The following FMN2 variants were observed in gnomAD, a reference collection of about 807,000 sequenced individuals.
FMN2 encodes the protein formin-2.
FMN2 carries 51 observed loss-of-function variants against 142.3 expected under a neutral mutation model. The observed-to-expected ratio is 0.36, with a 90% CI of 0.29 to 0.45. The LOEUF is 0.45. Ranked by LOEUF, FMN2 falls within the 20% of genes least tolerant of loss-of-function variation. The pLI is 1.00. For synonymous variants in FMN2, 882 were observed against 869.8 expected, an observed-to-expected ratio of 1.01 and a Z score of -0.25; for missense variants, 1,936 against 2,122.8, an observed-to-expected ratio of 0.91 and a Z score of 1.73.
At chr1:240,455,352 AAAAAT>A (rs1676204570) in intron 16 of FMN2, among the ~76,000 whole-genome samples, 1 of 152,152 alleles carries the variant, frequency 6.6e-6, no homozygotes. Context: ...CATCTCTACA[AAAAAT>A]AAAATAAAAA....
intron 15 of FMN2, among the ~76,000 whole-genome samples, chr1:240,422,258 G>A (rs1188362823): frequency 6.6e-6 from 1 of 152,100 alleles, no homozygotes; most frequent in Non-Finnish European, 1.5e-5. Flanking sequence ...ATAAATTTTA[G>A]AATCAATTGT....
intron 8 of FMN2, among the ~76,000 whole-genome samples, chr1:240,325,032 A>G (rs1467700525): frequency 6.6e-6 from 1 of 152,158 alleles, no homozygotes; most frequent in Admixed American, 6.5e-5. Context: ...CATGTCAATC[A>G]TCGCTGTGGT....
Position 240,207,698 on chromosome 1 carries a change from A to ACCCCCTCCTCCCCCTCTTCCCGGAGCG in FMN2, c.2886_2887insCCCCCTCCTCCCCCTCTTCCCGGAGCG (p.Pro954_Ala962dup). On this transcript the variant is annotated inframe_insertion, in exon 5 of 18. Coordinates refer to ENST00000319653, the MANE Select transcript of FMN2 (RefSeq NM_020066.5). ...CCCCTCCGCCCCCTCTTCCCGGGGC[A>ACCCCCTCCTCCCCCTCTTCCCGGAGCG]GGCATACCCCTTCCTCCCCCTCTTC... 3.9e-6 allele frequency: 3 copies of ACCCCCTCCTCCCCCTCTTCCCGGAGCG among 763,984 alleles called. No individual in the cohort carries two copies. The South Asian group carries it at 6.2e-5, about 16-fold the overall frequency. 47.3% of individuals were successfully genotyped at this position (763,984 alleles called of 1,614,324 possible).
At chr1:240,205,192 A>G (rs1666282781) in intron 4 of FMN2, among the ~76,000 whole-genome samples, 1 of 152,240 alleles carries the variant, frequency 6.6e-6, no homozygotes, top group South Asian at 2.1e-4. Context: ...GTAGTGTTGC[A>G]GGAAACCCTG....
At position 240,092,868 on chromosome 1, in the gene FMN2, G is replaced by C; in HGVS notation, c.759G>C (p.Leu253=). ...CCTTCCTGGGCCTGGACCGGTTCCTGCTGGGGCCGAGCGGCGGGGCTGGGG... is the reference window on the plus strand; with the variant it reads ...CCTTCCTGGGCCTGGACCGGTTCCTCCTGGGGCCGAGCGGCGGGGCTGGGG... The part of the protein sequence containing the change: ...PGAFLGLDRF[L]LGPSGGAGEA... Residue 253 remains leucine (L), a synonymous_variant, in exon 1 of 18, where the codon CTG becomes CTC. Transcript: ENST00000319653. The C allele has an allele frequency of 6.5e-7, 1 of 1,535,906 alleles. No individual in the cohort carries two copies. Among genetic ancestry groups the C allele is most frequent in the Non-Finnish European group, 8.7e-7 (1 of 1,145,472 alleles).
At chr1:240,285,911 C>G (rs780923680) in intron 7 of FMN2, among the ~76,000 whole-genome samples, 1 of 151,654 alleles carries the variant, frequency 6.6e-6, no homozygotes, top group Non-Finnish European at 1.5e-5. Flanking sequence ...CTTTTTTTCC[C>G]CCGCTCTGGT....
chr1:240,208,741 A>C lies in FMN2; in HGVS notation c.3920+9A>C, dbSNP rs1666557248. The stretch of plus-strand genomic sequence containing the variant: ...CAACTACATAGTAAAAGGTAACATG[A>C]AAGTGAGCTCGTCTTTGCACAGTGT... On this transcript the variant is annotated intron_variant, in intron 5 of 17. Coordinates refer to ENST00000319653, the MANE Select transcript of FMN2 (RefSeq NM_020066.5). 1.2e-6 allele frequency: 2 copies of C among 1,600,018 alleles called. No homozygotes were observed. The highest frequency in any genetic ancestry group is 2.2e-5 in the East Asian group (1 of 44,546).
chr1:240,472,166 G>T, intron 16 of FMN2: 1 of 496,472 alleles, frequency 2.0e-6, no homozygotes, highest in African/African-American at 2.0e-5. Context: ...ATGATTCCAA[G>T]TTAAGAACTC....
chr1:240,344,973 A>T (rs1460227975), intron 13 of FMN2, among the ~76,000 whole-genome samples: 3 of 152,214 alleles, frequency 2.0e-5, no homozygotes, highest in African/African-American at 7.2e-5. Context: ...ATCACATAAA[A>T]ACATGGTCTA....
At chr1:240,140,385 G>A (rs758813485) in intron 2 of FMN2, among the ~76,000 whole-genome samples, 25 of 152,028 alleles carry the variant, frequency 1.6e-4, no homozygotes, top group Non-Finnish European at 1.5e-4. Context: ...AGAAAATTAC[G>A]TTCATTTTCT....
intron 3 of FMN2, among the ~76,000 whole-genome samples, chr1:240,187,610 C>T (rs1171427861): frequency 6.6e-6 from 1 of 152,148 alleles, no homozygotes; most frequent in Non-Finnish European, 1.5e-5. Flanking sequence ...AGTGCCCTCT[C>T]GCTTACGAAA....
At chr1:240,462,895 G>A (rs948734498) in intron 16 of FMN2, among the ~76,000 whole-genome samples, 3 of 152,166 alleles carry the variant, frequency 2.0e-5, no homozygotes, top group African/African-American at 7.2e-5. Context: ...CTAATTTTGA[G>A]TGTAACCTGA....
chr1:240,228,252 G>A (rs1235293542), intron 6 of FMN2, among the ~76,000 whole-genome samples: 2 of 135,322 alleles, frequency 1.5e-5, no homozygotes, highest in Non-Finnish European at 3.1e-5. Flanking sequence ...GTGGTGAGCC[G>A]AGACTGTGCC....
chr1:240,149,144 G>C (rs930929909), intron 2 of FMN2, among the ~76,000 whole-genome samples: 1 of 152,072 alleles, frequency 6.6e-6, no homozygotes. Flanking sequence ...CCTGCAGAAT[G>C]TGGACAATAA....
At chr1:240,241,813 T>C (rs12408930) in intron 6 of FMN2, among the ~76,000 whole-genome samples, 48,045 of 143,532 alleles carry the variant, frequency 0.33, 9,146 homozygotes, top group East Asian at 0.52. Flanking sequence ...TTCTTTATTT[T>C]AGTGTGCCTT....
intron 2 of FMN2, among the ~76,000 whole-genome samples, chr1:240,135,740 T>C (rs1984248): frequency 0.64 from 95,430 of 149,628 alleles, 31,243 homozygotes; most frequent in African/African-American, 0.79. Flanking sequence ...AGTGCAGTGG[T>C]GCGATCTCGG....
At chr1:240,452,396 G>A (rs1676091136) in intron 16 of FMN2, among the ~76,000 whole-genome samples, 1 of 151,940 alleles carries the variant, frequency 6.6e-6, no homozygotes, top group South Asian at 2.1e-4. Flanking sequence ...CAAGGAAAAA[G>A]GACAGAGGTA....
intron 16 of FMN2, among the ~76,000 whole-genome samples, chr1:240,464,819 C>T (rs1034054666): frequency 6.6e-6 from 1 of 152,170 alleles, no homozygotes; most frequent in Non-Finnish European, 1.5e-5. Flanking sequence ...TTGCATGAAG[C>T]AGCTCAAAGA....
chr1:240,365,635 G>A (rs1212844565), intron 14 of FMN2, among the ~76,000 whole-genome samples: 1 of 152,074 alleles, frequency 6.6e-6, no homozygotes, highest in South Asian at 2.1e-4. Flanking sequence ...TGCGAACACT[G>A]AATTAGTGAA....
Sources: allele counts gnomAD v4.1 joint callset (sites outside exome capture counted in the v4.1 genomes callset), GRCh38; gene constraint gnomAD v4.1.1; transcripts MANE v1.5; gene names NCBI Gene and HGNC (gene_info 2026-07-23, HGNC 2026-07-21).